Variants in VAT1L observed in about 807,000 individuals in gnomAD.
VAT1L encodes putative NADPH-dependent quinone oxidoreductase VAT1L.
VAT1L carries 34 observed loss-of-function variants against 44.1 expected under a neutral mutation model. The observed-to-expected ratio is 0.77, with a 90% CI of 0.59 to 1.03. The LOEUF is 1.03. Ranked by LOEUF, VAT1L falls within the 50% of genes least tolerant of loss-of-function variation. The pLI is 0.00. For missense variants in VAT1L, 615 were observed against 538.8 expected (o/e 1.14, Z -1.40); for synonymous variants, 253 against 202.2 (o/e 1.25, Z -2.13).
At chr16:77,841,376 C>T (rs1430209306) in intron 3 of VAT1L, among the ~76,000 whole-genome samples, 1 of 152,234 alleles carries the variant, frequency 6.6e-6, no homozygotes, top group Non-Finnish European at 1.5e-5. Flanking sequence ...AGCCGCCACA[C>T]CTGGCCAATA....
chr16:77,911,191 A>C (rs552111619), intron 7 of VAT1L, among the ~76,000 whole-genome samples: 2 of 152,356 alleles, frequency 1.3e-5, no homozygotes, highest in East Asian at 3.9e-4. Context: ...TCCATCTCAG[A>C]AGTGCAATAT....
At chr16:77,833,569 G>A (rs1342750784) in intron 3 of VAT1L, among the ~76,000 whole-genome samples, 5 of 152,150 alleles carry the variant, frequency 3.3e-5, no homozygotes, top group South Asian at 2.1e-4. Context: ...TGGCCAACAC[G>A]GTGAAACCCA....
At chr16:77,930,439 T>A (rs190600897) in intron 7 of VAT1L, among the ~76,000 whole-genome samples, 9 of 152,300 alleles carry the variant, frequency 5.9e-5, no homozygotes, top group African/African-American at 2.2e-4. Context: ...TCTGGCCCTG[T>A]CCTTTGAATG....
At chr16:77,833,350 G>A (rs79806785) in intron 3 of VAT1L, among the ~76,000 whole-genome samples, 16,078 of 152,264 alleles carry the variant, frequency 0.11, 884 homozygotes, top group Middle Eastern at 0.12. Flanking sequence ...ACCAGAGGAG[G>A]TGAGGGGTGG....
intron 6 of VAT1L, among the ~76,000 whole-genome samples, chr16:77,880,101 A>G (rs566258802): frequency 2.0e-5 from 3 of 152,182 alleles, no homozygotes; most frequent in South Asian, 2.1e-4. Context: ...CCTCACTACA[A>G]ATTGACTCTG....
intron 8 of VAT1L, among the ~76,000 whole-genome samples, chr16:77,976,468 C>T (rs561061203): frequency 6.6e-6 from 1 of 152,102 alleles, no homozygotes; most frequent in Non-Finnish European, 1.5e-5. Context: ...GGGGAGAACC[C>T]AGCTTCAGGT....
At chr16:77,976,207 A>G (rs909968629) in intron 8 of VAT1L, among the ~76,000 whole-genome samples, 4 of 152,332 alleles carry the variant, frequency 2.6e-5, no homozygotes, top group African/African-American at 9.6e-5. Flanking sequence ...GCAGGGGCAG[A>G]TGGACATTGG....
chr16:77,797,843 G>A (rs1251844615), intron 1 of VAT1L, among the ~76,000 whole-genome samples: 10 of 152,224 alleles, frequency 6.6e-5, no homozygotes, highest in Non-Finnish European at 2.9e-5. Context: ...TCACAGGAAA[G>A]GGTGGCGAGC....
chr16:77,892,972 G>A (rs778106594), intron 7 of VAT1L: 5 of 740,642 alleles, frequency 6.8e-6, no homozygotes, highest in Non-Finnish European at 9.5e-6. Context: ...TAGCTCAGGA[G>A]GGTACCCTCC....
intron 7 of VAT1L, among the ~76,000 whole-genome samples, chr16:77,940,511 T>C (rs898636689): frequency 6.6e-5 from 10 of 151,782 alleles, no homozygotes; most frequent in African/African-American, 7.3e-5. Context: ...GCCTGGGTAA[T>C]TTTTGTATTT....
Position 77,884,661 on chromosome 16 carries a change from C to A in VAT1L, c.936C>A (p.Val312=), listed in dbSNP as rs760563953. 6.2e-7 allele frequency: 1 copy of A among 1,613,496 alleles called. No homozygotes were observed. The highest frequency in any genetic ancestry group is 1.1e-5 in the South Asian group (1 of 90,880). Residue 312 remains valine, a synonymous_variant, in exon 7 of 9, where the codon GTC becomes GTA. Coordinates refer to ENST00000302536, the MANE Select transcript of VAT1L (RefSeq NM_020927.3). The surrounding 1 kb of genome is among the most constrained non-coding windows in gnomAD (Gnocchi z 4.5). ...TCAAGCTGTATGAGGAGAACAAAGTCATCGCGGGGTTTTCCCTTTTAAATC... is the reference window on the plus strand; with the variant it reads ...TCAAGCTGTATGAGGAGAACAAAGTAATCGCGGGGTTTTCCCTTTTAAATC... ...NPIKLYEENK[V]IAGFSLLNLL... is the part of the protein sequence containing the mutation.
intron 7 of VAT1L, among the ~76,000 whole-genome samples, chr16:77,953,219 C>A (rs552145821): frequency 3.3e-5 from 5 of 152,152 alleles, no homozygotes; most frequent in African/African-American, 1.2e-4. Context: ...GGAACCAATC[C>A]GGCTGACATT....
At chr16:77,902,773 A>C (rs993742952) in intron 7 of VAT1L, among the ~76,000 whole-genome samples, 2 of 150,770 alleles carry the variant, frequency 1.3e-5, no homozygotes, top group African/African-American at 4.9e-5. Context: ...GTTCGAGACT[A>C]GCCTGGCCAA....
At chr16:77,973,087 C>T (rs766492596) in intron 8 of VAT1L, among the ~76,000 whole-genome samples, 7 of 152,082 alleles carry the variant, frequency 4.6e-5, no homozygotes, top group Non-Finnish European at 8.8e-5. Flanking sequence ...CTCCCTGGGG[C>T]CTCTCGAGGA....
Position 77,971,925 on chromosome 16 carries a change from A to T in VAT1L, c.1153A>T (p.Thr385Ser). The T allele has an allele frequency of 3.1e-6, 5 of 1,613,244 alleles. No homozygotes were observed. Among genetic ancestry groups the T allele is most frequent in the South Asian group, 1.1e-5 (1 of 90,988 alleles). The change falls in exon 8 of 9, where the codon ACT becomes TCT. Residue 385 changes from threonine (T) to serine (S), a missense_variant. Coordinates refer to ENST00000302536, the MANE Select transcript of VAT1L (RefSeq NM_020927.3). The part of the protein sequence containing the change: ...KLILDVEKTP[T>S]PLMANDSTET... Reference sequence around the variant, plus strand: ...AATTCTGGATGTAGAAAAGACCCCAACTCCACTGGTGAGTGAAAAGCAGAG... The same window carrying T: ...AATTCTGGATGTAGAAAAGACCCCATCTCCACTGGTGAGTGAAAAGCAGAG...
chr16:77,843,657 G>A (rs74029435), intron 3 of VAT1L, among the ~76,000 whole-genome samples: 7,953 of 152,230 alleles, frequency 0.052, 269 homozygotes, highest in East Asian at 0.11. Context: ...CCATCCCCAC[G>A]ATGAGAAAAA....
Position 77,809,761 on chromosome 16 carries a change from A to G in VAT1L, c.234-7160A>G, listed in dbSNP as rs115852821. On this transcript the variant is annotated intron_variant, in intron 1 of 8. Transcript: ENST00000302536. ...ATCGAGTTTACTACATGTGACTTCA[A>G]GGTGTCTTGGAACTATTTCATAGAA... is the stretch of plus-strand genomic sequence containing the variant. 2.0e-3 allele frequency among the ~76,000 whole-genome samples: 300 copies of G among 152,338 alleles called. 2 individuals are homozygous for G. The highest frequency in any genetic ancestry group is 6.7e-3 in the African/African-American group (279 of 41,582).
intron 7 of VAT1L, among the ~76,000 whole-genome samples, chr16:77,952,508 C>T (rs746185318): frequency 6.6e-6 from 1 of 152,034 alleles, no homozygotes; most frequent in Non-Finnish European, 1.5e-5. Flanking sequence ...CATGCCTGCT[C>T]CCCCTTTGAG....
In VAT1L at chr16:77,979,066, A is replaced by G. The variant is rs2018371782; in HGVS notation, c.*1371A>G. 1 of 152,486 alleles carries G rather than the reference A, an allele frequency of 6.6e-6. No homozygotes were observed. The highest frequency in any genetic ancestry group is 1.5e-5 in the Non-Finnish European group (1 of 68,044). The allele number at this position is 152,486 out of a possible 1,614,324, so 9.4% of individuals were successfully genotyped here. On this transcript the variant is annotated 3_prime_UTR_variant, in exon 9 of 9. Transcript: ENST00000302536. ...TTTTACATTGCCCAGTTTCTCCACC[A>G]ACAAGCCTTAGGGTGGACCCAACCC... is the stretch of plus-strand genomic sequence containing the variant.
Sources: allele counts gnomAD v4.1 joint callset (sites outside exome capture counted in the v4.1 genomes callset), GRCh38; gene constraint gnomAD v4.1.1; non-coding constraint Gnocchi (gnomAD v3.1); transcripts MANE v1.5; gene names NCBI Gene and HGNC (gene_info 2026-07-23, HGNC 2026-07-21).